VPS41: variants seen among roughly 807,000 people sequenced by gnomAD.
VPS41 encodes the protein vacuolar protein sorting-associated protein 41 homolog.
In VPS41, 85 loss-of-function variants were observed where a neutral mutation model predicts 130.9. The ratio of observed to expected loss-of-function variants is 0.65; its 90% CI spans 0.55 to 0.78. The LOEUF (loss-of-function observed/expected upper bound fraction) is 0.78. Ranked by LOEUF, VPS41 falls within the 30% of genes least tolerant of loss-of-function variation. The probability of loss-of-function intolerance (pLI) is 0.00; values close to 1 mark genes in which losing one functional copy is unlikely to be tolerated. For missense variants in VPS41, 874 were observed against 1,018.7 expected (o/e 0.86, Z 1.93); for synonymous variants, 335 against 332.9 (o/e 1.01, Z -0.07).
chr7:38,860,106 T>C (rs1786073746), intron 4 of VPS41, among the ~76,000 whole-genome samples: 2 of 152,212 alleles, frequency 1.3e-5, no homozygotes, highest in South Asian at 2.1e-4. Context: ...CTGTAGAATA[T>C]ACAGCCATGG....
intron 3 of VPS41, among the ~76,000 whole-genome samples, chr7:38,866,510 GATGCCACCAA>G (rs1402419348): frequency 6.6e-6 from 1 of 152,158 alleles, no homozygotes; most frequent in Non-Finnish European, 1.5e-5. Flanking sequence ...AGGAGGTGGT[GATGCCACCAA>G]ATGGGATAAA....
chr7:38,843,299 T>G (rs1785650094), intron 4 of VPS41, among the ~76,000 whole-genome samples: 1 of 152,148 alleles, frequency 6.6e-6, no homozygotes, highest in South Asian at 2.1e-4. Context: ...GGCAATCATG[T>G]CCCCGTGACA....
chr7:38,867,866 G>A (rs974611599), intron 3 of VPS41, among the ~76,000 whole-genome samples: 12 of 152,302 alleles, frequency 7.9e-5, no homozygotes, highest in East Asian at 3.9e-4. Flanking sequence ...GGGGCACAAC[G>A]GGAAGACAGG....
intron 2 of VPS41, among the ~76,000 whole-genome samples, chr7:38,885,123 G>C (rs1342386871): frequency 1.3e-5 from 2 of 151,906 alleles, no homozygotes; most frequent in Admixed American, 1.3e-4. Context: ...ACCCAGGCTG[G>C]AGTGCAGTGG....
At chr7:38,836,503 C>T (rs1270290827) in intron 4 of VPS41, among the ~76,000 whole-genome samples, 1 of 152,060 alleles carries the variant, frequency 6.6e-6, no homozygotes. Flanking sequence ...AACTATTTTA[C>T]TTTTGAGATG....
At chr7:38,744,673 G>C (rs561588455) in intron 23 of VPS41, among the ~76,000 whole-genome samples, 1 of 152,298 alleles carries the variant, frequency 6.6e-6, no homozygotes, top group African/African-American at 2.4e-5. Flanking sequence ...CTAAAATTGT[G>C]ATTAGAACCC....
intron 1 of VPS41, 59 bp from the exon 2 acceptor site, chr7:38,898,188 A>T: frequency 6.8e-7 from 1 of 1,464,978 alleles, no homozygotes. Context: ...AATCATTTGC[A>T]AGGGGAAAGA....
At position 38,883,237 on chromosome 7, in the gene VPS41, T is replaced by C. The variant is rs1180638476; in HGVS notation, c.61-13984A>G. Among the ~76,000 whole-genome samples, 4 of 152,140 alleles carry C rather than the reference T, an allele frequency of 2.6e-5. No individual in the cohort carries two copies. The East Asian group carries it at 7.7e-4, about 29-fold the overall frequency. On this transcript the variant is annotated intron_variant, in intron 2 of 28. Transcript: ENST00000310301. The stretch of plus-strand genomic sequence containing the variant: ...AGCCTGGGTGACAGAGTGAGACTCC[T>C]CAAAAACAAACAAAAAATAAAAAAT...
chr7:38,779,296 T>A (rs1453622206), intron 10 of VPS41, among the ~76,000 whole-genome samples: 1 of 152,192 alleles, frequency 6.6e-6, no homozygotes, highest in Non-Finnish European at 1.5e-5. Context: ...AAGCAAGTAA[T>A]CAACATTTGG....
At chr7:38,756,409 T>G (rs1158826663) in intron 19 of VPS41, among the ~76,000 whole-genome samples, 1 of 152,310 alleles carries the variant, frequency 6.6e-6, no homozygotes, top group East Asian at 1.9e-4. Flanking sequence ...AAACCCCACA[T>G]GCTGGATACG....
chr7:38,760,049 T>G (rs749726943), intron 17 of VPS41, among the ~76,000 whole-genome samples: 1 of 152,172 alleles, frequency 6.6e-6, no homozygotes, highest in South Asian at 2.1e-4. Context: ...TGGCTATCTC[T>G]AGATCTCAAA....
intron 22 of VPS41, among the ~76,000 whole-genome samples, chr7:38,748,596 T>G (rs1370018271): frequency 6.6e-6 from 1 of 151,104 alleles, no homozygotes; most frequent in Non-Finnish European, 1.5e-5. Context: ...TGCTGAACTA[T>G]AAAACTGATG....
chr7:38,723,686 T>G lies in VPS41; in HGVS notation c.*2560A>C, dbSNP rs973391177. 2 of 117,554 alleles carry G rather than the reference T, an allele frequency of 1.7e-5. No homozygotes were observed. The highest frequency in any genetic ancestry group is 1.2e-4 in the Admixed American group (1 of 8,220). The allele number at this position is 117,554 out of a possible 1,614,324, so 7.3% of individuals were successfully genotyped here. On this transcript the variant is annotated 3_prime_UTR_variant, in exon 29 of 29. Transcript: ENST00000310301. ...TTGCAGTGAGCCAAGATCATGTCAC[T>G]GCACTCCAGCCAAGGCAACAGAACG...
At chr7:38,753,460 C>A (rs1016478756) in intron 21 of VPS41, among the ~76,000 whole-genome samples, 2 of 152,016 alleles carry the variant, frequency 1.3e-5, no homozygotes, top group Non-Finnish European at 2.9e-5. Context: ...TCCACTGGCA[C>A]TGGGGTCAGT....
intron 5 of VPS41, among the ~76,000 whole-genome samples, chr7:38,827,942 CTGT>C (rs1562601106): frequency 6.6e-6 from 1 of 152,018 alleles, no homozygotes; most frequent in East Asian, 1.9e-4. Context: ...CCATTTATTA[CTGT>C]TGTTGTTCTT....
At position 38,869,034 on chromosome 7, in the gene VPS41, G is replaced by A. The variant is rs964236223; in HGVS notation, c.168+112C>T. The A allele has an allele frequency of 8.0e-6, 6 of 753,618 alleles. No individual in the cohort carries two copies. The Admixed American group carries it at 1.3e-4, about 17-fold the overall frequency. The allele number at this position is 753,618 out of a possible 1,614,324, so 46.7% of individuals were successfully genotyped here. On this transcript the variant is annotated intron_variant, in intron 3 of 28. Transcript: ENST00000310301. ...GCAAGGAGGAAGAGAGCAGTGGCAA[G>A]GAGACAGAATCACTGTAAAAAGCCA... is the stretch of plus-strand genomic sequence containing the variant.
intron 13 of VPS41, 106 bp from the exon 14 acceptor site, chr7:38,771,360 T>C (rs1784150944): frequency 2.6e-6 from 2 of 770,432 alleles, no homozygotes; most frequent in Middle Eastern, 3.1e-4. Context: ...ATAAACACTA[T>C]AGTTATTATG....
At chr7:38,879,965 A>T (rs1177847892) in intron 2 of VPS41, among the ~76,000 whole-genome samples, 1 of 152,178 alleles carries the variant, frequency 6.6e-6, no homozygotes, top group Non-Finnish European at 1.5e-5. Context: ...CAGTCACAAA[A>T]CAAACTAAAA....
chr7:38,742,966 C>T (rs1795912760), intron 24 of VPS41, among the ~76,000 whole-genome samples: 1 of 151,988 alleles, frequency 6.6e-6, no homozygotes, highest in Non-Finnish European at 1.5e-5. Context: ...CTAAATACTA[C>T]AACACAAACA....
Sources: gnomAD v4.1 joint callset for allele counts (sites outside exome capture counted in the v4.1 genomes callset) on GRCh38, gnomAD v4.1.1 for gene constraint, MANE v1.5 for transcripts, NCBI Gene and HGNC (gene_info 2026-07-23, HGNC 2026-07-21) for gene names.